ZNF385D: variants seen among roughly 807,000 people sequenced by gnomAD.
ZNF385D encodes the protein zinc finger protein 385D.
Under a neutral mutation model 35.8 loss-of-function variants are expected in ZNF385D, and 15 were observed. The ratio of observed to expected loss-of-function variants is 0.42; its 90% CI spans 0.28 to 0.64. The LOEUF is 0.64. ZNF385D is among the 30% of genes least tolerant of loss of function. The pLI is 0.23. For missense variants in ZNF385D, 474 were observed against 494.6 expected (o/e 0.96, Z 0.39); for synonymous variants, 212 against 186.8 (o/e 1.13, Z -1.10).
intron 3 of ZNF385D, among the ~76,000 whole-genome samples, chr3:21,892,310 C>T (rs945006669): frequency 1.3e-5 from 2 of 152,154 alleles, no homozygotes; most frequent in African/African-American, 2.4e-5. Flanking sequence ...TATGCTGGCT[C>T]AGCACAGAAA....
intron 1 of ZNF385D, among the ~76,000 whole-genome samples, chr3:21,714,872 C>T (rs1332540437): frequency 6.6e-6 from 1 of 152,098 alleles, no homozygotes; most frequent in African/African-American, 2.4e-5. Flanking sequence ...TATTATAAGA[C>T]ACACATGCAT....
chr3:21,547,833 T>C (rs527509600), intron 3 of ZNF385D, among the ~76,000 whole-genome samples: 1 of 152,148 alleles, frequency 6.6e-6, no homozygotes, highest in East Asian at 1.9e-4. Flanking sequence ...GTCAGGCTGG[T>C]CTTCTGACCT....
intron 3 of ZNF385D, chr3:22,134,002 G>C (rs1466776969): frequency 1.3e-5 from 2 of 152,052 alleles, no homozygotes; most frequent in East Asian, 3.9e-4. Flanking sequence ...ACTATAGAAA[G>C]GCAGAAAAGG....
At chr3:22,152,455 A>G (rs1705299705) in intron 3 of ZNF385D, among the ~76,000 whole-genome samples, 1 of 152,138 alleles carries the variant, frequency 6.6e-6, no homozygotes, top group Non-Finnish European at 1.5e-5. Flanking sequence ...TCTGAAATGG[A>G]TTCTATGGGG....
chr3:22,316,409 C>A (rs1703888393), intron 2 of ZNF385D, among the ~76,000 whole-genome samples: 1 of 152,068 alleles, frequency 6.6e-6, no homozygotes, highest in Non-Finnish European at 1.5e-5. Context: ...TCTTTAATGA[C>A]CACAGATAGG....
chr3:21,800,824 CAT>C (rs2072362731), intron 3 of ZNF385D, among the ~76,000 whole-genome samples: 1 of 152,156 alleles, frequency 6.6e-6, no homozygotes, highest in African/African-American at 2.4e-5. Flanking sequence ...GTTATCTGCA[CAT>C]AGTTTCGCTT....
At chr3:22,155,819 AAGGAT>A (rs927065678) in intron 3 of ZNF385D, among the ~76,000 whole-genome samples, 50 of 152,154 alleles carry the variant, frequency 3.3e-4, no homozygotes, top group African/African-American at 1.1e-3. Flanking sequence ...TTGTTAAAAT[AAGGAT>A]AGAAGAGTTT....
At chr3:21,860,942 G>A (rs918312631) in intron 3 of ZNF385D, among the ~76,000 whole-genome samples, 2 of 152,132 alleles carry the variant, frequency 1.3e-5, no homozygotes, top group Admixed American at 6.6e-5. Context: ...ATTTCTTTTA[G>A]TCTCTAGGCA....
At position 21,420,381 on chromosome 3, in the gene ZNF385D, A is replaced by T. The variant is rs186803728; in HGVS notation, c.*833T>A. 6.6e-6 allele frequency: 1 copy of T among 152,328 alleles called. No homozygotes were observed. The highest frequency in any genetic ancestry group is 2.4e-5 in the African/African-American group (1 of 41,576). 9.4% of individuals were successfully genotyped at this position (152,328 alleles called of 1,614,324 possible). On this transcript the variant is annotated 3_prime_UTR_variant, in exon 8 of 8. Transcript: ENST00000281523. ...GATGCATGGGTTTCTCTGCTTTCAG[A>T]TATAGGTTCATTATAAACACTTCCC...
At chr3:21,813,554 T>A (rs760322154) in intron 3 of ZNF385D, among the ~76,000 whole-genome samples, 2 of 152,130 alleles carry the variant, frequency 1.3e-5, no homozygotes, top group Non-Finnish European at 2.9e-5. Flanking sequence ...ATGCGACTCA[T>A]GCACAAGCTT....
chr3:21,587,211 C>G (rs1169108131), intron 2 of ZNF385D, among the ~76,000 whole-genome samples: 1 of 151,986 alleles, frequency 6.6e-6, no homozygotes, highest in Non-Finnish European at 1.5e-5. Context: ...GCATTCAACT[C>G]AAATGTATAC....
chr3:21,509,116 A>G (rs766407948), intron 4 of ZNF385D, among the ~76,000 whole-genome samples: 1 of 152,034 alleles, frequency 6.6e-6, no homozygotes, highest in South Asian at 2.1e-4. Flanking sequence ...ACATATATAT[A>G]TTTTTAAATG....
intron 1 of ZNF385D, among the ~76,000 whole-genome samples, chr3:21,680,039 T>G (rs1297088093): frequency 6.6e-6 from 1 of 152,262 alleles, no homozygotes; most frequent in Non-Finnish European, 1.5e-5. Flanking sequence ...ATCTGGGACG[T>G]AAATATTTAA....
At chr3:21,438,637 C>G (rs546696474) in intron 4 of ZNF385D, among the ~76,000 whole-genome samples, 1 of 152,164 alleles carries the variant, frequency 6.6e-6, no homozygotes, top group East Asian at 1.9e-4. Flanking sequence ...ATAAAAAAAA[C>G]TCATCTGGAT....
At chr3:21,759,851 T>C (rs1007355248) in intron 3 of ZNF385D, among the ~76,000 whole-genome samples, 1 of 152,328 alleles carries the variant, frequency 6.6e-6, no homozygotes, top group Non-Finnish European at 1.5e-5. Context: ...CTTTAGGTCA[T>C]GAACATTCCA....
chr3:22,260,866 C>T (rs1439736309), intron 2 of ZNF385D, among the ~76,000 whole-genome samples: 1 of 151,988 alleles, frequency 6.6e-6, no homozygotes, highest in African/African-American at 2.4e-5. Flanking sequence ...GTTTTTATCA[C>T]TTATTCTATG....
At chr3:21,549,408 T>C (rs2062491838) in intron 3 of ZNF385D, among the ~76,000 whole-genome samples, 1 of 152,374 alleles carries the variant, frequency 6.6e-6, no homozygotes, top group East Asian at 1.9e-4. Flanking sequence ...TCTGTCCTTC[T>C]GTTCAGGTTT....
intron 3 of ZNF385D, among the ~76,000 whole-genome samples, chr3:21,926,850 A>G (rs1700752719): frequency 1.3e-5 from 2 of 152,224 alleles, no homozygotes; most frequent in South Asian, 4.1e-4. Context: ...AAATTTCATC[A>G]GAGTGAAAAG....
intron 3 of ZNF385D, among the ~76,000 whole-genome samples, chr3:21,986,615 G>T (rs1383203096): frequency 4.7e-5 from 7 of 148,928 alleles, no homozygotes; most frequent in Admixed American, 2.0e-4. Context: ...GAATAGGTGT[G>T]GTGTGGTGCT....
Sources: allele counts gnomAD v4.1 joint callset (sites outside exome capture counted in the v4.1 genomes callset), GRCh38; gene constraint gnomAD v4.1.1; transcripts MANE v1.5; gene names NCBI Gene and HGNC (gene_info 2026-07-23, HGNC 2026-07-21).